The following SLC20A2 variants were observed in gnomAD, a reference collection of about 807,000 sequenced individuals.
SLC20A2 encodes solute carrier family 20 member 2.
Under a neutral mutation model 61.0 loss-of-function variants are expected in SLC20A2, and 30 were observed. The observed-to-expected ratio is 0.49, with a 90% CI of 0.37 to 0.67. The LOEUF (loss-of-function observed/expected upper bound fraction) is 0.67. SLC20A2 is among the 30% of genes least tolerant of loss of function. The pLI, the probability that SLC20A2 is intolerant of heterozygous loss-of-function variation, is 0.00. For synonymous variants in SLC20A2, 351 were observed against 353.3 expected (o/e 0.99, Z 0.07); for missense variants, 626 against 866.4 (o/e 0.72, Z 3.48).
chr8:42,461,112 C>T (rs931382967), intron 4 of SLC20A2, among the ~76,000 whole-genome samples: 9 of 152,098 alleles, frequency 5.9e-5, no homozygotes, highest in African/African-American at 1.2e-4. Flanking sequence ...TGCAGTGAGG[C>T]GTGATGCAGC....
At chr8:42,497,239 A>G (rs1184910941) in intron 1 of SLC20A2, among the ~76,000 whole-genome samples, 1 of 152,148 alleles carries the variant, frequency 6.6e-6, no homozygotes, top group Non-Finnish European at 1.5e-5. Context: ...ATATAATCCC[A>G]TGTTTAGATG....
intron 1 of SLC20A2, among the ~76,000 whole-genome samples, chr8:42,481,352 A>C (rs1808538787): frequency 6.6e-6 from 1 of 152,102 alleles, no homozygotes; most frequent in Admixed American, 6.5e-5. Flanking sequence ...ACACCACACC[A>C]CACCAGGGTA....
At chr8:42,510,195 T>C (rs1053904787) in intron 1 of SLC20A2, among the ~76,000 whole-genome samples, 1 of 152,182 alleles carries the variant, frequency 6.6e-6, no homozygotes, top group Non-Finnish European at 1.5e-5. Flanking sequence ...TACTGGATTA[T>C]ACTAAAAACA....
chr8:42,426,895 G>A (rs1174097643), intron 10 of SLC20A2, among the ~76,000 whole-genome samples: 1 of 152,112 alleles, frequency 6.6e-6, no homozygotes, highest in African/African-American at 2.4e-5. Context: ...TGTATTTAGT[G>A]ACACGCGTCT....
intron 1 of SLC20A2, among the ~76,000 whole-genome samples, chr8:42,524,735 A>G (rs1017004480): frequency 3.9e-5 from 6 of 152,010 alleles, no homozygotes; most frequent in African/African-American, 1.5e-4. Flanking sequence ...ACAGTGAGCC[A>G]AGACTGTGCC....
chr8:42,447,473 G>T (rs7835164), intron 5 of SLC20A2, among the ~76,000 whole-genome samples: 18 of 151,738 alleles, frequency 1.2e-4, no homozygotes, highest in South Asian at 2.1e-4. Context: ...GTCAGGAGAT[G>T]GAGACCATCC....
chr8:42,447,973 G>A (rs1805359302), intron 5 of SLC20A2, among the ~76,000 whole-genome samples: 1 of 152,322 alleles, frequency 6.6e-6, no homozygotes, highest in Admixed American at 6.5e-5. Context: ...CCGCTTGTGC[G>A]ACCCCTTGGT....
At chr8:42,471,190 C>T (rs1046166605) in intron 2 of SLC20A2, 11 of 456,088 alleles carry the variant, frequency 2.4e-5, no homozygotes, top group Middle Eastern at 6.5e-4. Context: ...TCTGTTGTGT[C>T]GTCATCTCTA....
At chr8:42,427,085 A>G (rs1585992137) in intron 10 of SLC20A2, among the ~76,000 whole-genome samples, 1 of 152,344 alleles carries the variant, frequency 6.6e-6, no homozygotes, top group African/African-American at 2.4e-5. Flanking sequence ...GCACACCTGC[A>G]CCTCTTCCTG....
chr8:42,457,676 G>A (rs550805540), intron 5 of SLC20A2, among the ~76,000 whole-genome samples: 12 of 152,022 alleles, frequency 7.9e-5, no homozygotes, highest in South Asian at 6.3e-4. Context: ...TAGTAGAGAC[G>A]GGGTTTCACC....
intron 3 of SLC20A2, among the ~76,000 whole-genome samples, chr8:42,464,090 ATC>A (rs1806926830): frequency 1.0e-4 from 2 of 19,996 alleles, no homozygotes; most frequent in African/African-American, 2.2e-4. Context: ...AGGCTGGATG[ATC>A]TTTTTTTTTT....
rs116525438 is a variant in SLC20A2, at chr8:42,515,189, G to A, written c.-265+26632C>T. Among the ~76,000 whole-genome samples the A allele has an allele frequency of 8.0e-3, 1,219 of 152,270 alleles. 10 individuals carry two copies. Among genetic ancestry groups the A allele is most frequent in the African/African-American group, 0.028 (1,167 of 41,552 alleles). Reference sequence around the variant, plus strand: ...AGGTCACATGGAGATAAGTAGCGGGGCAGGAATTGAATCCCAGACAGTTTT... The same window carrying A: ...AGGTCACATGGAGATAAGTAGCGGGACAGGAATTGAATCCCAGACAGTTTT... On this transcript the variant is annotated intron_variant, in intron 1 of 10. Transcript: ENST00000342228.
intron 5 of SLC20A2, 27 bp from the exon 6 acceptor site, chr8:42,444,789 C>A: frequency 6.3e-7 from 1 of 1,577,564 alleles, no homozygotes; most frequent in South Asian, 1.1e-5. Flanking sequence ...GAAGCAGTGT[C>A]ATTACTGGAA....
intron 1 of SLC20A2, among the ~76,000 whole-genome samples, chr8:42,510,464 T>C (rs1217703345): frequency 1.3e-5 from 2 of 152,190 alleles, no homozygotes; most frequent in Non-Finnish European, 2.9e-5. Context: ...GGAAAACTAT[T>C]AAGTATCAAG....
At chr8:42,532,543 G>C (rs762622119) in intron 1 of SLC20A2, among the ~76,000 whole-genome samples, 25 of 152,132 alleles carry the variant, frequency 1.6e-4, no homozygotes, top group Admixed American at 1.2e-3. Context: ...CTCAATGTTC[G>C]AAGGGAAGTT....
chr8:42,506,768 T>G (rs1430839282), intron 1 of SLC20A2, among the ~76,000 whole-genome samples: 1 of 152,174 alleles, frequency 6.6e-6, no homozygotes, highest in African/African-American at 2.4e-5. Context: ...CACAGGCGAA[T>G]CATGTGTCTG....
At chr8:42,494,929 C>G (rs1809803259) in intron 1 of SLC20A2, among the ~76,000 whole-genome samples, 1 of 152,110 alleles carries the variant, frequency 6.6e-6, no homozygotes, top group Non-Finnish European at 1.5e-5. Context: ...TCCCTGCAAC[C>G]TCTGCCTCCC....
At chr8:42,419,100 G>A (rs1425199922) in intron 10 of SLC20A2, among the ~76,000 whole-genome samples, 3 of 151,118 alleles carry the variant, frequency 2.0e-5, no homozygotes, top group African/African-American at 7.3e-5. Flanking sequence ...AAAACTTAGA[G>A]AAAAGCTGCA....
At position 42,437,143 on chromosome 8, in the gene SLC20A2, C is replaced by T. The variant is rs201148539; in HGVS notation, c.1369G>A (p.Ala457Thr). 2.9e-5 allele frequency: 46 copies of T among 1,613,850 alleles called. No homozygotes were observed. The highest frequency in any genetic ancestry group is 3.8e-5 in the Non-Finnish European group (45 of 1,180,044). ...TGGTCAGGGTCGGCCAGCTCCGACGCCAGCTTCATCTCCACGCCGCCCTCC... is the reference window on the plus strand; with the variant it reads ...TGGTCAGGGTCGGCCAGCTCCGACGTCAGCTTCATCTCCACGCCGCCCTCC... ...AEEGGVEMKL[A>T]SELADPDQPR... The change falls in exon 8 of 11, where the codon GCG becomes ACG. Residue 457 changes from alanine to threonine, a missense_variant. Around this residue, in one of 3 missense-constraint regions of SLC20A2, gnomAD observed 361 missense variants for 422.3 expected, o/e 0.85. Coordinates refer to ENST00000520262, the MANE Select transcript of SLC20A2 (RefSeq NM_001257180.2). This position sits in a 1 kb window ranked among gnomAD's most constrained non-coding sequence, Gnocchi z 6.4.
Sources: allele counts gnomAD v4.1 joint callset (sites outside exome capture counted in the v4.1 genomes callset), GRCh38; gene constraint gnomAD v4.1.1; regional missense constraint gnomAD v4.1.1; non-coding constraint Gnocchi (gnomAD v3.1); transcripts MANE v1.5; gene names NCBI Gene and HGNC (gene_info 2026-07-23, HGNC 2026-07-21).